HS6ST2: variants seen among roughly 807,000 people sequenced by gnomAD.
HS6ST2 encodes heparan-sulfate 6-O-sulfotransferase 2.
HS6ST2 carries 17 observed loss-of-function variants against 33.0 expected under a neutral mutation model. That is an observed-to-expected ratio of 0.52 (90% CI 0.35 to 0.77). The LOEUF is 0.77. Ranked by LOEUF, HS6ST2 falls within the 30% of genes least tolerant of loss-of-function variation. The probability of loss-of-function intolerance (pLI) is 0.01; values close to 1 mark genes in which losing one functional copy is unlikely to be tolerated. For missense variants in HS6ST2, 519 were observed against 551.7 expected (o/e 0.94, Z 0.59); for synonymous variants, 248 against 237.1 (o/e 1.05, Z -0.42).
chrX:132,782,808 T>G (rs1440937240), intron 2 of HS6ST2, among the ~76,000 whole-genome samples: 2 of 111,356 alleles, frequency 1.8e-5, no homozygotes, highest in African/African-American at 6.5e-5. Context: ...CTAAATACTA[T>G]GAAGGCAGGT....
chrX:132,874,295 C>T (rs1386316395), intron 2 of HS6ST2, among the ~76,000 whole-genome samples: 3 of 112,624 alleles, frequency 2.7e-5, no homozygotes, highest in Non-Finnish European at 3.8e-5. Flanking sequence ...AAACACCTTC[C>T]GGCTGGGCAT....
intron 2 of HS6ST2, among the ~76,000 whole-genome samples, chrX:132,800,805 G>A (rs1328861868): frequency 8.9e-6 from 1 of 111,771 alleles, no homozygotes; most frequent in East Asian, 2.8e-4. Context: ...GGAGAAACCT[G>A]GTGGGAAGTG....
chrX:132,900,529 A>G (rs2066417436), intron 2 of HS6ST2, among the ~76,000 whole-genome samples: 1 of 111,295 alleles, frequency 9.0e-6, no homozygotes. Context: ...CAGCCTAGGC[A>G]ACATAGCAAG....
chrX:132,751,927 G>A (rs2064710632), intron 2 of HS6ST2, among the ~76,000 whole-genome samples: 1 of 112,004 alleles, frequency 8.9e-6, no homozygotes, highest in Admixed American at 9.5e-5. Context: ...CAGGCAATGG[G>A]ATGAGTGTTT....
chrX:132,632,851 C>T (rs1270555655), intron 4 of HS6ST2, among the ~76,000 whole-genome samples: 2 of 110,243 alleles, frequency 1.8e-5, no homozygotes, highest in African/African-American at 6.6e-5. Flanking sequence ...CCAAGGTGGG[C>T]AGATCACTTG....
chrX:132,933,148 T>C (rs1489298341), intron 2 of HS6ST2, among the ~76,000 whole-genome samples: 1 of 108,735 alleles, frequency 9.2e-6, no homozygotes, highest in South Asian at 4.0e-4. Context: ...GCCAACATGG[T>C]GAAACCCCCT....
chrX:132,807,376 C>T (rs890071450), intron 2 of HS6ST2, among the ~76,000 whole-genome samples: 3 of 109,889 alleles, frequency 2.7e-5, no homozygotes, highest in African/African-American at 9.8e-5. Context: ...TCAGCGAAGC[C>T]CTTAAAAAGC....
At chrX:132,803,052 T>C (rs746973177) in intron 2 of HS6ST2, among the ~76,000 whole-genome samples, 8 of 111,096 alleles carry the variant, frequency 7.2e-5, no homozygotes, top group Non-Finnish European at 1.5e-4. Flanking sequence ...TTCAAGGAAG[T>C]CAAGACAGGC....
intron 2 of HS6ST2, among the ~76,000 whole-genome samples, chrX:132,882,796 T>C (rs772099177): frequency 6.6e-4 from 74 of 111,389 alleles, no homozygotes; most frequent in African/African-American, 2.3e-3. Flanking sequence ...TTGAGATACA[T>C]CCCATCAATA....
At chrX:132,839,413 T>A (rs1319241846) in intron 2 of HS6ST2, among the ~76,000 whole-genome samples, 1 of 95,540 alleles carries the variant, frequency 1.0e-5, no homozygotes, top group Non-Finnish European at 2.1e-5. Flanking sequence ...TGGATGTAAC[T>A]GACGGCCATT....
intron 2 of HS6ST2, among the ~76,000 whole-genome samples, chrX:132,904,324 T>C (rs1418284640): frequency 3.6e-5 from 4 of 111,321 alleles, no homozygotes; most frequent in African/African-American, 1.3e-4. Flanking sequence ...TGTATGAATA[T>C]ATCATAAGTT....
chrX:132,840,055 G>T (rs1484893798), intron 2 of HS6ST2, among the ~76,000 whole-genome samples: 1 of 110,622 alleles, frequency 9.0e-6, no homozygotes, highest in Non-Finnish European at 1.9e-5. Flanking sequence ...GGCAGAGTTT[G>T]CAGTGAGCTG....
At chrX:132,892,365 G>A (rs908724180) in intron 2 of HS6ST2, among the ~76,000 whole-genome samples, 22 of 112,091 alleles carry the variant, frequency 2.0e-4, no homozygotes, top group African/African-American at 6.5e-4. Flanking sequence ...TAGAAACACA[G>A]AATCAAGGCC....
intron 2 of HS6ST2, among the ~76,000 whole-genome samples, chrX:132,772,199 T>C (rs1156367412): frequency 9.0e-6 from 1 of 111,287 alleles, no homozygotes; most frequent in Non-Finnish European, 1.9e-5. Flanking sequence ...ACACACAAAA[T>C]GTGGTTTCAA....
chrX:132,688,948 T>C (rs2064040308), intron 3 of HS6ST2, among the ~76,000 whole-genome samples: 1 of 112,270 alleles, frequency 8.9e-6, no homozygotes, highest in Non-Finnish European at 1.9e-5. Flanking sequence ...CAAAGACAGC[T>C]AATCAATGCA....
intron 3 of HS6ST2, among the ~76,000 whole-genome samples, chrX:132,690,251 AAAAC>A (rs1275062139): frequency 4.4e-5 from 5 of 112,506 alleles, no homozygotes; most frequent in African/African-American, 1.6e-4. Flanking sequence ...GGCCATACCA[AAAAC>A]AAACAAACAA....
intron 2 of HS6ST2, among the ~76,000 whole-genome samples, chrX:132,815,120 C>T (rs2065383102): frequency 9.0e-6 from 1 of 111,561 alleles, no homozygotes; most frequent in Non-Finnish European, 1.9e-5. Flanking sequence ...ATACCTAGCC[C>T]CTAACACTCA....
intron 3 of HS6ST2, among the ~76,000 whole-genome samples, chrX:132,686,221 A>G (rs1382401975): frequency 1.8e-5 from 2 of 112,571 alleles, no homozygotes; most frequent in Non-Finnish European, 3.7e-5. Context: ...ATGTTATTTA[A>G]AAGCATATTA....
chrX:132,661,998 G>T (rs1347025392), intron 4 of HS6ST2, among the ~76,000 whole-genome samples: 3 of 111,178 alleles, frequency 2.7e-5, no homozygotes, highest in African/African-American at 9.8e-5. Flanking sequence ...AAAGAAAAAA[G>T]AATGAAGTTG....
Sources: allele counts gnomAD v4.1 joint callset (sites outside exome capture counted in the v4.1 genomes callset), GRCh38; gene constraint gnomAD v4.1.1; transcripts MANE v1.5; gene names NCBI Gene and HGNC (gene_info 2026-07-23, HGNC 2026-07-21).